The following ROBO1 variants were observed in gnomAD, a reference collection of about 807,000 sequenced individuals.
The protein encoded by ROBO1 is roundabout guidance receptor 1.
A neutral mutation model predicts 195.9 loss-of-function variants in ROBO1; 149 were observed. That is an observed-to-expected ratio of 0.76 (90% confidence interval 0.67 to 0.87). ROBO1 has a LOEUF of 0.87. Among genes scored for constraint, ROBO1 ranks in the 40% least tolerant of loss-of-function variants. The pLI, the probability that ROBO1 is intolerant of heterozygous loss-of-function variation, is 0.00. For synonymous variants in ROBO1, 816 were observed against 733.2 expected (o/e 1.11, Z -1.82); for missense variants, 1,933 against 2,068.3 (o/e 0.93, Z 1.27).
In ROBO1 at chr3:78,714,472, C is replaced by G; in HGVS notation, c.970G>C (p.Asp324His). The G allele has an allele frequency of 1.2e-6, 2 of 1,613,052 alleles. No homozygotes were observed. The highest frequency in any genetic ancestry group is 1.7e-6 in the Non-Finnish European group (2 of 1,179,426). ...GCAACACAAGTGTATGAACCCATGTCACCAGCTGTCACCTTCCTAATTTTC... is the reference window on the plus strand; with the variant it reads ...GCAACACAAGTGTATGAACCCATGTGACCAGCTGTCACCTTCCTAATTTTC... The part of the protein sequence containing the change: ...TLKIRKVTAG[D>H]MGSYTCVAEN... Residue 324 changes from aspartate to histidine, a missense_variant, in exon 8 of 31, where the codon GAC becomes CAC. Coordinates refer to ENST00000464233, the MANE Select transcript of ROBO1 (RefSeq NM_002941.4).
In ROBO1 at chr3:79,106,931, T is replaced by G. The variant is rs1251552416; in HGVS notation, c.172+18525A>C. Among the ~76,000 whole-genome samples the G allele has an allele frequency of 2.6e-5, 4 of 151,670 alleles. No individual in the cohort carries two copies. In the East Asian group the frequency reaches 5.8e-4, roughly 22 times the overall value. ...TCCCTACTTATGTATAGAATCTATC[T>G]CCGCTCATTGTGTCAGTCTTTGTTG... On this transcript the variant is annotated intron_variant, in intron 3 of 30. Coordinates refer to ENST00000464233, the MANE Select transcript of ROBO1 (RefSeq NM_002941.4).
intron 1 of ROBO1, among the ~76,000 whole-genome samples, chr3:79,683,581 A>T (rs1056232943): frequency 2.0e-5 from 3 of 152,226 alleles, no homozygotes; most frequent in Non-Finnish European, 1.5e-5. Context: ...ACAAACAAAC[A>T]TGCCCATTAG....
intron 22 of ROBO1, among the ~76,000 whole-genome samples, chr3:78,638,255 A>C (rs1282658738): frequency 7.3e-6 from 1 of 137,750 alleles, no homozygotes; most frequent in East Asian, 2.0e-4. Context: ...ACACACATAC[A>C]TATATGTATA....
At chr3:79,140,292 T>A (rs1471195644) in intron 2 of ROBO1, among the ~76,000 whole-genome samples, 2 of 152,184 alleles carry the variant, frequency 1.3e-5, no homozygotes, top group East Asian at 3.9e-4. Context: ...TCAGTCAAAA[T>A]ATCAAATTAT....
At chr3:79,355,453 A>G (rs185234332) in intron 2 of ROBO1, among the ~76,000 whole-genome samples, 2 of 152,268 alleles carry the variant, frequency 1.3e-5, no homozygotes, top group Admixed American at 1.3e-4. Flanking sequence ...ACTTGGAAAT[A>G]TACATTATTG....
intron 3 of ROBO1, among the ~76,000 whole-genome samples, chr3:78,958,674 T>TA (rs1378142290): frequency 6.6e-6 from 1 of 152,148 alleles, no homozygotes; most frequent in East Asian, 1.9e-4. Flanking sequence ...TTCTTTTAAA[T>TA]ACAGGAATCT....
At chr3:79,164,394 T>A (rs987457450) in intron 2 of ROBO1, among the ~76,000 whole-genome samples, 13 of 152,168 alleles carry the variant, frequency 8.5e-5, no homozygotes, top group African/African-American at 3.1e-4. Flanking sequence ...TCATGTCATT[T>A]GACAACAGGT....
chr3:79,208,687 ATGTG>A (rs59970776), intron 2 of ROBO1, among the ~76,000 whole-genome samples: 2,003 of 144,564 alleles, frequency 0.014, 19 homozygotes, highest in Middle Eastern at 0.039. Flanking sequence ...GTGGTGGGGC[ATGTG>A]TGTGTGTGTG....
intron 4 of ROBO1, among the ~76,000 whole-genome samples, chr3:78,836,776 T>C (rs9881587): frequency 0.31 from 47,600 of 152,024 alleles, 8,067 homozygotes; most frequent in South Asian, 0.45. Flanking sequence ...TTGTAAACAA[T>C]GTTTCTTTTT....
chr3:79,519,478 A>G (rs1007288557), intron 2 of ROBO1, among the ~76,000 whole-genome samples: 3 of 151,580 alleles, frequency 2.0e-5, no homozygotes, highest in African/African-American at 7.3e-5. Context: ...AAATACAAAA[A>G]ATTAGCCGGG....
chr3:78,758,242 G>A (rs2082990172), intron 4 of ROBO1, among the ~76,000 whole-genome samples: 1 of 152,068 alleles, frequency 6.6e-6, no homozygotes, highest in African/African-American at 2.4e-5. Flanking sequence ...ATTCCTCACT[G>A]GGGGCAGTGG....
intron 3 of ROBO1, among the ~76,000 whole-genome samples, chr3:79,040,314 T>C (rs1268293126): frequency 2.0e-5 from 3 of 152,158 alleles, no homozygotes; most frequent in African/African-American, 7.2e-5. Flanking sequence ...TCACAAAAAA[T>C]GTTAAATCGT....
intron 2 of ROBO1, among the ~76,000 whole-genome samples, chr3:79,394,001 T>C (rs943262206): frequency 1.3e-5 from 2 of 152,030 alleles, no homozygotes; most frequent in African/African-American, 4.8e-5. Context: ...AGAAACGACA[T>C]GACAATGAAT....
At chr3:79,009,161 C>T (rs2077713922) in intron 3 of ROBO1, among the ~76,000 whole-genome samples, 1 of 142,368 alleles carries the variant, frequency 7.0e-6, no homozygotes, top group African/African-American at 2.7e-5. Context: ...ACCATGTTGG[C>T]CAGGCTGGTT....
chr3:78,945,973 A>T (rs189597548), intron 3 of ROBO1, among the ~76,000 whole-genome samples: 3,059 of 152,174 alleles, frequency 0.02, 52 homozygotes, highest in Admixed American at 0.031. Flanking sequence ...TAGAGAAAAA[A>T]AAAAAATAAA....
chr3:78,775,569 C>CAGA (rs1027733218), intron 4 of ROBO1, among the ~76,000 whole-genome samples: 1 of 152,174 alleles, frequency 6.6e-6, no homozygotes, highest in Non-Finnish European at 1.5e-5. Flanking sequence ...GGCAAATTTA[C>CAGA]AGAAGAAGAA....
chr3:78,731,402 A>C (rs1335295819), intron 5 of ROBO1, among the ~76,000 whole-genome samples: 1 of 152,150 alleles, frequency 6.6e-6, no homozygotes, highest in Non-Finnish European at 1.5e-5. Flanking sequence ...ACTAGAAGTT[A>C]TATCAGTCAG....
chr3:78,796,468 T>C (rs1489721988), intron 4 of ROBO1, among the ~76,000 whole-genome samples: 1 of 124,768 alleles, frequency 8.0e-6, no homozygotes, highest in African/African-American at 3.1e-5. Flanking sequence ...AACTTAGATA[T>C]TTCCAAGCCA....
intron 23 of ROBO1, 23 bp downstream of exon 23, chr3:78,635,750 G>T (rs1453676163): frequency 6.3e-7 from 1 of 1,597,148 alleles, no homozygotes; most frequent in Admixed American, 1.7e-5. Context: ...GAAACAGATG[G>T]GAATACATGC....
Sources: gnomAD v4.1 joint callset for allele counts (sites outside exome capture counted in the v4.1 genomes callset) on GRCh38, gnomAD v4.1.1 for gene constraint, MANE v1.5 for transcripts, NCBI Gene and HGNC (gene_info 2026-07-23, HGNC 2026-07-21) for gene names.